The following KALRN variants were observed in gnomAD, a reference collection of about 807,000 sequenced individuals.
The protein encoded by KALRN is kalirin RhoGEF kinase.
In KALRN, 70 loss-of-function variants were observed where a neutral mutation model predicts 353.7. That is an observed-to-expected ratio of 0.20 (90% CI 0.16 to 0.24). KALRN has a LOEUF of 0.24. KALRN is among the 10% of genes least tolerant of loss of function. KALRN has a pLI of 1.00. For missense variants in KALRN, 2,791 were observed against 3,756.7 expected (o/e 0.74, Z 6.72); for synonymous variants, 1,391 against 1,434.8 (o/e 0.97, Z 0.69).
chr3:124,405,802 C>G (rs1198818319), intron 13 of KALRN, among the ~76,000 whole-genome samples: 1 of 152,072 alleles, frequency 6.6e-6, no homozygotes, highest in Non-Finnish European at 1.5e-5. Flanking sequence ...CACCACCACA[C>G]CCGGCTAATT....
At chr3:124,525,704 G>A (rs1468998200) in intron 33 of KALRN, among the ~76,000 whole-genome samples, 1 of 152,198 alleles carries the variant, frequency 6.6e-6, no homozygotes, top group Non-Finnish European at 1.5e-5. Context: ...AATGAAAATA[G>A]GAGGCTTTGT....
intron 1 of KALRN, among the ~76,000 whole-genome samples, chr3:124,059,517 C>T (rs1183303747): frequency 1.3e-5 from 2 of 152,142 alleles, no homozygotes; most frequent in African/African-American, 4.8e-5. Flanking sequence ...TCCTGGCTAA[C>T]TTAAATTTTG....
chr3:124,689,165 C>A (rs923878973), intron 51 of KALRN, among the ~76,000 whole-genome samples: 1 of 152,188 alleles, frequency 6.6e-6, no homozygotes, highest in Non-Finnish European at 1.5e-5. Context: ...TTTATGTGAA[C>A]AATGTCATCT....
chr3:124,439,196 T>TCACACACACACACACACACACA (rs1491034990), intron 18 of KALRN, among the ~76,000 whole-genome samples, 159 bp downstream of exon 18: 2 of 79,234 alleles, frequency 2.5e-5, no homozygotes, highest in African/African-American at 1.0e-4. Flanking sequence ...CTTCTCTCTC[T>TCACACACACACACACACACACA]CTCTCACACA....
chr3:124,470,555 C>A (rs534790234), intron 25 of KALRN, among the ~76,000 whole-genome samples: 1 of 151,948 alleles, frequency 6.6e-6, no homozygotes, highest in African/African-American at 2.4e-5. Flanking sequence ...ATGTTCTTAG[C>A]TTTCTCCCCC....
intron 33 of KALRN, among the ~76,000 whole-genome samples, chr3:124,522,331 A>G (rs1460762279): frequency 1.3e-5 from 2 of 152,008 alleles, no homozygotes; most frequent in African/African-American, 4.8e-5. Context: ...TACATATACA[A>G]ATATACAAAT....
At chr3:124,311,119 G>A (rs1425297501) in intron 6 of KALRN, among the ~76,000 whole-genome samples, 1 of 116,268 alleles carries the variant, frequency 8.6e-6, no homozygotes, top group Non-Finnish European at 1.6e-5. Context: ...CTGTCACCCA[G>A]GCTGGATACT....
chr3:124,525,005 C>G (rs1339547943), intron 33 of KALRN, among the ~76,000 whole-genome samples: 3 of 152,130 alleles, frequency 2.0e-5, no homozygotes, highest in Non-Finnish European at 4.4e-5. Flanking sequence ...AATCACAAGC[C>G]AGGGGTTCAG....
intron 34 of KALRN, among the ~76,000 whole-genome samples, chr3:124,625,258 C>T (rs647565): frequency 0.21 from 32,415 of 151,838 alleles, 5,028 homozygotes; most frequent in African/African-American, 0.44. Context: ...AGTGGTGGAG[C>T]CAGACAGTTC....
chr3:124,428,584 T>G (rs1245305768), intron 15 of KALRN, among the ~76,000 whole-genome samples: 1 of 152,196 alleles, frequency 6.6e-6, no homozygotes, highest in Non-Finnish European at 1.5e-5. Context: ...ATTCCTAGGG[T>G]TCAGCCCCAC....
At chr3:124,640,178 G>A (rs781640083) in intron 37 of KALRN, among the ~76,000 whole-genome samples, 2 of 152,028 alleles carry the variant, frequency 1.3e-5, no homozygotes. Flanking sequence ...TCACAGGCTT[G>A]GTTAATGAAA....
At chr3:124,094,539 G>A in intron 1 of KALRN, 1 of 447,038 alleles carries the variant, frequency 2.2e-6, no homozygotes, top group Admixed American at 3.4e-5. Flanking sequence ...CAAACCTCGC[G>A]TCTTTGCGAA....
intron 28 of KALRN, among the ~76,000 whole-genome samples, chr3:124,486,775 T>G (rs1229797551): frequency 6.6e-6 from 1 of 152,210 alleles, no homozygotes; most frequent in Non-Finnish European, 1.5e-5. Flanking sequence ...CTGTAAATTA[T>G]GTATGTCACA....
chr3:124,279,879 G>A (rs1341797232), intron 5 of KALRN, among the ~76,000 whole-genome samples: 1 of 152,206 alleles, frequency 6.6e-6, no homozygotes, highest in Non-Finnish European at 1.5e-5. Flanking sequence ...TTTAGCCAGG[G>A]TTTGGGATGC....
intron 1 of KALRN, among the ~76,000 whole-genome samples, chr3:124,151,444 A>G (rs2068092340): frequency 6.6e-6 from 1 of 152,204 alleles, no homozygotes; most frequent in Non-Finnish European, 1.5e-5. Flanking sequence ...TTGATGGCTA[A>G]TGAAGTCTAG....
intron 33 of KALRN, among the ~76,000 whole-genome samples, chr3:124,513,844 A>G (rs1401240083): frequency 6.6e-6 from 1 of 152,132 alleles, no homozygotes; most frequent in African/African-American, 2.4e-5. Flanking sequence ...CGCACCACCT[A>G]CGAGGCCTTC....
intron 1 of KALRN, among the ~76,000 whole-genome samples, chr3:124,160,857 G>A (rs1307584018): frequency 6.6e-6 from 1 of 152,160 alleles, no homozygotes; most frequent in Non-Finnish European, 1.5e-5. Flanking sequence ...AAGTTTATGT[G>A]AGCATTGAGG....
chr3:124,347,098 C>T (rs200699474), intron 9 of KALRN, 45 bp from the exon 10 acceptor site: 529 of 1,612,436 alleles, frequency 3.3e-4, no homozygotes, highest in Non-Finnish European at 3.9e-4. Context: ...ACATGTCTTT[C>T]CTTCTGCTAG....
rs142702465 is a variant in KALRN, at chr3:124,637,272, A to G, written c.5633A>G (p.Asn1878Ser). ...GTACCTACTGCTGCAGACCTTGTCA[A>G]TGCAATAGAAAAGTTGGTCAAAAAC... ...TEVPTAADLV[N>S]AIEKLVKNKL... is the part of the protein sequence containing the mutation. Residue 1878 changes from asparagine (N) to serine (S), a missense_variant, in exon 37 of 60, where the codon AAT becomes AGT. This residue lies in a region of KALRN where 1,065 missense variants were observed against 1,156.4 expected (regional missense o/e 0.92). Transcript: ENST00000682506. 141 of 1,613,996 alleles carry G rather than the reference A, an allele frequency of 8.7e-5. No individual in the cohort carries two copies. Among genetic ancestry groups the G allele is most frequent in the Non-Finnish European group, 1.2e-4 (137 of 1,180,008 alleles).
Sources: allele counts gnomAD v4.1 joint callset (sites outside exome capture counted in the v4.1 genomes callset), GRCh38; gene constraint gnomAD v4.1.1; regional missense constraint gnomAD v4.1.1; transcripts MANE v1.5; gene names NCBI Gene and HGNC (gene_info 2026-07-23, HGNC 2026-07-21).